Variants in C10orf90 observed in about 807,000 individuals in gnomAD.
C10orf90 encodes (E2-independent) E3 ubiquitin-conjugating enzyme FATS.
In C10orf90, 56 loss-of-function variants were observed where a neutral mutation model predicts 62.5. That is an observed-to-expected ratio of 0.90 (90% CI 0.72 to 1.12). The LOEUF (loss-of-function observed/expected upper bound fraction) is 1.12. Ranked by LOEUF, C10orf90 falls within the 50% of genes most tolerant of loss-of-function variation. The pLI is 0.00. For missense variants in C10orf90, 970 were observed against 880.4 expected, an observed-to-expected ratio of 1.10 and a Z score of -1.29; for synonymous variants, 386 against 340.4, an observed-to-expected ratio of 1.13 and a Z score of -1.47.
At chr10:126,644,879 C>T (rs1445610370) in intron 2 of C10orf90, among the ~76,000 whole-genome samples, 1 of 152,216 alleles carries the variant, frequency 6.6e-6, no homozygotes. Context: ...GGGAGCCTGC[C>T]TTTGCTGTTC....
At chr10:126,464,543 C>T (rs1427846729) in intron 5 of C10orf90, among the ~76,000 whole-genome samples, 153 bp downstream of exon 5, 1 of 152,212 alleles carries the variant, frequency 6.6e-6, no homozygotes, top group African/African-American at 2.4e-5. Flanking sequence ...TCCTACTTGG[C>T]AACCATTTGT....
chr10:126,536,115 G>T (rs886908363), intron 2 of C10orf90, among the ~76,000 whole-genome samples: 3 of 152,164 alleles, frequency 2.0e-5, no homozygotes, highest in African/African-American at 7.2e-5. Context: ...ACGGTGCACT[G>T]CATGGGAACA....
At chr10:126,468,677 G>T (rs1358709152) in intron 4 of C10orf90, among the ~76,000 whole-genome samples, 4 of 152,162 alleles carry the variant, frequency 2.6e-5, no homozygotes, top group Non-Finnish European at 5.9e-5. Flanking sequence ...GTTGAAGCAG[G>T]ACATTCTGCA....
chr10:126,626,373 C>G (rs1369475455), intron 2 of C10orf90, among the ~76,000 whole-genome samples: 2 of 152,112 alleles, frequency 1.3e-5, no homozygotes, highest in African/African-American at 4.8e-5. Flanking sequence ...CCAGAACCCA[C>G]AGTTGTCCTG....
intron 4 of C10orf90, among the ~76,000 whole-genome samples, chr10:126,500,077 C>T (rs1389327393): frequency 6.6e-6 from 1 of 152,218 alleles, no homozygotes; most frequent in Non-Finnish European, 1.5e-5. Flanking sequence ...TGAGCCAATA[C>T]ATTTTAATCG....
chr10:126,652,815 A>T (rs1021526376), intron 1 of C10orf90, among the ~76,000 whole-genome samples: 1 of 152,190 alleles, frequency 6.6e-6, no homozygotes, highest in African/African-American at 2.4e-5. Context: ...TTACTTAAGT[A>T]TTCCTTTCAG....
chr10:126,564,850 T>A lies in C10orf90; in HGVS notation c.314-50911A>T, dbSNP rs1020341076. Among the ~76,000 whole-genome samples, 17 of 25,248 alleles carry A rather than the reference T, an allele frequency of 6.7e-4. 4 individuals carry two copies. The highest frequency in any genetic ancestry group is 3.3e-3 in the African/African-American group (16 of 4,850). 16.6% of individuals were successfully genotyped at this position (25,248 alleles called of 152,430 possible). A position where few individuals can be genotyped will look rare whatever the true frequency, so the allele number is the denominator to read the frequency against. On this transcript the variant is annotated intron_variant, in intron 2 of 9. Coordinates refer to ENST00000488181, the MANE Select transcript of C10orf90 (RefSeq NM_001350921.2). ...TCTCTCTCTATATATATATTATATA[T>A]TATATAAAATATATATTATATATAA...
chr10:126,588,927 G>T (rs1244649902), intron 2 of C10orf90, among the ~76,000 whole-genome samples: 3 of 152,212 alleles, frequency 2.0e-5, no homozygotes, highest in African/African-American at 7.2e-5. Context: ...GGAGCATGTT[G>T]TAACCCAAAT....
intron 2 of C10orf90, among the ~76,000 whole-genome samples, chr10:126,565,426 T>TATAATATATAATA (rs1554917373): frequency 3.1e-4 from 18 of 57,210 alleles, no homozygotes; most frequent in South Asian, 1.5e-3. Context: ...TTATATATAT[T>TATAATATATAATA]ATATATATTA....
intron 2 of C10orf90, among the ~76,000 whole-genome samples, chr10:126,634,586 A>G (rs115975258): frequency 4.5e-4 from 69 of 152,300 alleles, no homozygotes; most frequent in Middle Eastern, 3.4e-3. Flanking sequence ...AGCGTATTGT[A>G]CACTTAAAAA....
chr10:126,565,306 A>AT (rs1844341503), intron 2 of C10orf90, among the ~76,000 whole-genome samples: 1 of 65,460 alleles, frequency 1.5e-5, no homozygotes, highest in Non-Finnish European at 2.6e-5. Context: ...TATATTATAT[A>AT]TTATATTATA....
Position 126,445,970 on chromosome 10 carries a change from A to G in C10orf90, c.2188+13070T>C, listed in dbSNP as rs530279977. Among the ~76,000 whole-genome samples, 4 of 152,056 alleles carry G rather than the reference A, an allele frequency of 2.6e-5. No homozygotes were observed. In the South Asian group the frequency reaches 8.3e-4, roughly 32 times the overall value. On this transcript the variant is annotated intron_variant, in intron 7 of 9. Transcript: ENST00000488181. ...AGCTAAGCTATGAGGATGCAAAGCC[A>G]TAAGAATTAAACAATGGGCTTTGGG... is the stretch of plus-strand genomic sequence containing the variant.
chr10:126,526,494 T>C (rs1024341151), intron 2 of C10orf90, among the ~76,000 whole-genome samples: 7 of 152,146 alleles, frequency 4.6e-5, no homozygotes, highest in Non-Finnish European at 7.4e-5. Context: ...TCCGCCCGCC[T>C]CGGCCTCCCA....
chr10:126,434,806 C>T lies in C10orf90; in HGVS notation c.2189-4956G>A, dbSNP rs188827161. Among the ~76,000 whole-genome samples the T allele has an allele frequency of 2.3e-3, 349 of 152,334 alleles. 1 individual carries two copies. The highest frequency in any genetic ancestry group is 0.014 in the South Asian group (69 of 4,830). ...GCCGGCCGTTAGAGTAATTCCATCA[C>T]GGTTCTCAGGGTTTAAACTTGAACA... On this transcript the variant is annotated intron_variant, in intron 7 of 9. Transcript: ENST00000488181.
intron 1 of C10orf90, among the ~76,000 whole-genome samples, chr10:126,651,708 C>A (rs1029659649): frequency 6.6e-6 from 1 of 152,188 alleles, no homozygotes. Flanking sequence ...TGCCCTCCCC[C>A]ACTAACTTTG....
At chr10:126,633,601 C>T (rs1254426591) in intron 2 of C10orf90, among the ~76,000 whole-genome samples, 1 of 152,194 alleles carries the variant, frequency 6.6e-6, no homozygotes, top group African/African-American at 2.4e-5. Context: ...TGGAGACCAA[C>T]TGTGCATGTT....
chr10:126,626,798 A>C (rs1272003021), intron 2 of C10orf90, among the ~76,000 whole-genome samples: 1 of 152,112 alleles, frequency 6.6e-6, no homozygotes, highest in Non-Finnish European at 1.5e-5. Flanking sequence ...AGGAGCATTC[A>C]CCTTGATTTT....
At chr10:126,611,579 A>G (rs1845436082) in intron 2 of C10orf90, among the ~76,000 whole-genome samples, 1 of 152,228 alleles carries the variant, frequency 6.6e-6, no homozygotes, top group African/African-American at 2.4e-5. Flanking sequence ...TTTCCAAGGC[A>G]GCTGCACTAT....
At chr10:126,666,752 G>A (rs953553305) in intron 1 of C10orf90, among the ~76,000 whole-genome samples, 3 of 151,994 alleles carry the variant, frequency 2.0e-5, no homozygotes, top group Admixed American at 6.6e-5. Flanking sequence ...ATCAAGGCGG[G>A]CGGATCATGA....
Sources: allele counts gnomAD v4.1 joint callset (sites outside exome capture counted in the v4.1 genomes callset), GRCh38; gene constraint gnomAD v4.1.1; transcripts MANE v1.5; gene names NCBI Gene and HGNC (gene_info 2026-07-23, HGNC 2026-07-21).